Variants in TRAK1 observed in about 807,000 individuals in gnomAD.
TRAK1 encodes trafficking kinesin-binding protein 1.
TRAK1 carries 33 observed loss-of-function variants against 92.1 expected under a neutral mutation model. The observed-to-expected ratio is 0.36, with a 90% CI of 0.27 to 0.48. TRAK1 has a LOEUF of 0.48. Ranked by LOEUF, TRAK1 falls within the 20% of genes least tolerant of loss-of-function variation. The pLI is 0.99. For synonymous variants in TRAK1, 521 were observed against 517.3 expected, an observed-to-expected ratio of 1.01 and a Z score of -0.10; for missense variants, 1,123 against 1,257.9, an observed-to-expected ratio of 0.89 and a Z score of 1.62.
chr3:42,195,174 T>C (rs1480165862), intron 10 of TRAK1, among the ~76,000 whole-genome samples: 1 of 152,218 alleles, frequency 6.6e-6, no homozygotes, highest in Non-Finnish European at 1.5e-5. Context: ...ACTCCTGCCA[T>C]TAAAAGATAA....
intron 3 of TRAK1, among the ~76,000 whole-genome samples, chr3:42,183,556 A>T (rs1704340915): frequency 6.8e-6 from 1 of 146,188 alleles, no homozygotes; most frequent in South Asian, 2.1e-4. Context: ...CTCTGTCTAA[A>T]AAAAAAAAAA....
chr3:42,023,177 A>T (rs1358653240), intron 1 of TRAK1, among the ~76,000 whole-genome samples: 1 of 144,806 alleles, frequency 6.9e-6, no homozygotes, highest in Non-Finnish European at 1.5e-5. Context: ...AAAAAAAACA[A>T]CAAAAAGAAA....
At chr3:42,073,482 G>A (rs1045665089) in intron 1 of TRAK1, among the ~76,000 whole-genome samples, 10 of 152,104 alleles carry the variant, frequency 6.6e-5, no homozygotes, top group African/African-American at 2.2e-4. Context: ...CTTAATCTTT[G>A]CCCAAGCCTT....
intron 1 of TRAK1, among the ~76,000 whole-genome samples, chr3:42,121,013 C>T (rs939221198): frequency 6.6e-6 from 1 of 152,100 alleles, no homozygotes; most frequent in African/African-American, 2.4e-5. Flanking sequence ...GTGCACCCTC[C>T]TAGGAGCTGG....
chr3:42,138,094 T>C (rs1420962061), intron 2 of TRAK1, among the ~76,000 whole-genome samples: 1 of 152,176 alleles, frequency 6.6e-6, no homozygotes, highest in Non-Finnish European at 1.5e-5. Context: ...TTTATAGAAA[T>C]TGTAGTGTGG....
chr3:42,109,012 G>A (rs1355454712), intron 1 of TRAK1, among the ~76,000 whole-genome samples: 1 of 152,160 alleles, frequency 6.6e-6, no homozygotes, highest in Non-Finnish European at 1.5e-5. Flanking sequence ...GGGGCCAGGG[G>A]CAGGCGTGAG....
At chr3:42,043,444 C>T (rs1702628925) in intron 1 of TRAK1, among the ~76,000 whole-genome samples, 1 of 151,980 alleles carries the variant, frequency 6.6e-6, no homozygotes, top group Admixed American at 6.6e-5. Context: ...CCTGCCCTCC[C>T]TCTCTCCTTT....
At chr3:42,212,079 C>T (rs149984862) in intron 14 of TRAK1, 16 of 985,248 alleles carry the variant, frequency 1.6e-5, no homozygotes, top group South Asian at 1.4e-4. Flanking sequence ...TTGGGAATTA[C>T]AGGACCATTT....
intron 7 of TRAK1, 55 bp downstream of exon 7, chr3:42,191,691 A>G (rs1314340632): frequency 2.5e-5 from 38 of 1,543,326 alleles, no homozygotes; most frequent in Non-Finnish European, 3.0e-5. Flanking sequence ...TCATGATTAG[A>G]CAGATTTGCG....
At chr3:42,058,524 G>A (rs930185514) in intron 1 of TRAK1, among the ~76,000 whole-genome samples, 2 of 152,016 alleles carry the variant, frequency 1.3e-5, no homozygotes, top group Non-Finnish European at 2.9e-5. Flanking sequence ...ATGTATTTTT[G>A]GTAGAGACGA....
intron 2 of TRAK1, among the ~76,000 whole-genome samples, chr3:42,149,831 G>GGA (rs1699757758): frequency 6.6e-6 from 1 of 152,138 alleles, no homozygotes; most frequent in South Asian, 2.1e-4. Context: ...GCTTAGAAGG[G>GGA]GAGATGGTTT....
chr3:42,202,770 C>T lies in TRAK1; in HGVS notation c.1744+18C>T, dbSNP rs368165578. 2.1e-5 allele frequency: 34 copies of T among 1,612,480 alleles called. No homozygotes were observed. Among genetic ancestry groups the T allele is most frequent in the Admixed American group, 5.0e-5 (3 of 59,982 alleles). On this transcript the variant is annotated intron_variant, in intron 13 of 15. Coordinates refer to ENST00000327628, the MANE Select transcript of TRAK1 (RefSeq NM_001042646.3). This position sits in a 1 kb window ranked among gnomAD's most constrained non-coding sequence, Gnocchi z 6.1. Reference sequence around the variant, plus strand: ...GCTGGAAGGTGATCACGCGGGGCCTCGGCCCCTCTCTGTCCTCCTGGGGGA... The same window carrying T: ...GCTGGAAGGTGATCACGCGGGGCCTTGGCCCCTCTCTGTCCTCCTGGGGGA...
chr3:42,091,600 T>C, intron 1 of TRAK1, 40 bp downstream of exon 1: 5 of 1,590,512 alleles, frequency 3.1e-6, no homozygotes, highest in Non-Finnish European at 4.3e-6. Flanking sequence ...TCTGTTTTCT[T>C]TGTGGTGTGG....
At chr3:42,162,531 C>T (rs1001383051) in intron 2 of TRAK1, among the ~76,000 whole-genome samples, 1 of 151,946 alleles carries the variant, frequency 6.6e-6, no homozygotes, top group African/African-American at 2.4e-5. Context: ...TAGGGGGATA[C>T]GTGTGACACA....
intron 1 of TRAK1, among the ~76,000 whole-genome samples, chr3:42,023,016 G>A (rs1701778153): frequency 6.6e-6 from 1 of 151,900 alleles, no homozygotes; most frequent in African/African-American, 2.4e-5. Flanking sequence ...AAATTAGCTG[G>A]ACGTGGTGGT....
At chr3:42,065,681 G>A (rs1052936217) in intron 1 of TRAK1, among the ~76,000 whole-genome samples, 15 of 152,104 alleles carry the variant, frequency 9.9e-5, no homozygotes, top group Non-Finnish European at 1.6e-4. Flanking sequence ...GCAGGCTGGA[G>A]TGCAGTAGTG....
intron 2 of TRAK1, chr3:42,151,299 T>TA (rs1271826166): frequency 2.2e-6 from 1 of 455,760 alleles, no homozygotes; most frequent in Admixed American, 2.4e-5. Flanking sequence ...GGCCTGCTCT[T>TA]ATCTGGGTAT....
intron 1 of TRAK1, among the ~76,000 whole-genome samples, chr3:42,057,158 A>G (rs935883687): frequency 2.6e-5 from 4 of 152,036 alleles, no homozygotes; most frequent in African/African-American, 9.7e-5. Context: ...ACTCTAAATT[A>G]CTCTTTGCTG....
At chr3:42,158,961 A>T (rs954008677) in intron 2 of TRAK1, among the ~76,000 whole-genome samples, 42 of 140,174 alleles carry the variant, frequency 3.0e-4, no homozygotes, top group Admixed American at 2.5e-3. Flanking sequence ...TCTGTCTCAA[A>T]AATAATAATA....
Sources: gnomAD v4.1 joint callset for allele counts (sites outside exome capture counted in the v4.1 genomes callset) on GRCh38, gnomAD v4.1.1 for gene constraint, Gnocchi (gnomAD v3.1) non-coding constraint, MANE v1.5 for transcripts, NCBI Gene and HGNC (gene_info 2026-07-23, HGNC 2026-07-21) for gene names.